CNTNAP2: variants seen among roughly 807,000 people sequenced by gnomAD.
The protein encoded by CNTNAP2 is contactin-associated protein-like 2.
A neutral mutation model predicts 155.2 loss-of-function variants in CNTNAP2; 98 were observed. That is an observed-to-expected ratio of 0.63 (90% CI 0.54 to 0.75). The LOEUF (loss-of-function observed/expected upper bound fraction) is 0.75, where lower values mean the gene tolerates loss of function less well. Among genes scored for constraint, CNTNAP2 ranks in the 30% least tolerant of loss-of-function variants. The pLI is 0.00. For synonymous variants in CNTNAP2, 651 were observed against 631.2 expected, an observed-to-expected ratio of 1.03 and a Z score of -0.47; for missense variants, 1,727 against 1,688.1, an observed-to-expected ratio of 1.02 and a Z score of -0.40.
At chr7:147,484,454 C>T (rs1265993538) in intron 10 of CNTNAP2, among the ~76,000 whole-genome samples, 1 of 152,074 alleles carries the variant, frequency 6.6e-6, no homozygotes, top group Non-Finnish European at 1.5e-5. Flanking sequence ...TCATTTCTTC[C>T]TTGCACTGTA....
Position 146,939,653 on chromosome 7 carries a change from T to C in CNTNAP2, c.402+99749T>C, listed in dbSNP as rs529013256. Among the ~76,000 whole-genome samples the C allele has an allele frequency of 4.6e-5, 7 of 152,300 alleles. No individual in the cohort carries two copies. The East Asian group carries it at 1.3e-3, about 29-fold the overall frequency. On this transcript the variant is annotated intron_variant, in intron 3 of 23. Coordinates refer to ENST00000361727, the MANE Select transcript of CNTNAP2 (RefSeq NM_014141.6). ...TTCATTATACTTCATTCTTAACCCATCAGTTTTTTAATTTGCCTGTAATAG... is the reference window on the plus strand; with the variant it reads ...TTCATTATACTTCATTCTTAACCCACCAGTTTTTTAATTTGCCTGTAATAG...
At position 146,239,191 on chromosome 7, in the gene CNTNAP2, T is replaced by A. The variant is rs141219499; in HGVS notation, c.97+122218T>A. Among the ~76,000 whole-genome samples the A allele has an allele frequency of 5.9e-5, 9 of 152,086 alleles. No individual in the cohort carries two copies. The East Asian group carries it at 1.7e-3, about 29-fold the overall frequency. On this transcript the variant is annotated intron_variant, in intron 1 of 23. Coordinates refer to ENST00000361727, the MANE Select transcript of CNTNAP2 (RefSeq NM_014141.6). ...GAATATAGGTAATTTTAATTGTGTG[T>A]TCTATTCTGTGGTGCCAGTGGCATT...
At chr7:147,804,744 G>C (rs948561950) in intron 13 of CNTNAP2, among the ~76,000 whole-genome samples, 2 of 151,898 alleles carry the variant, frequency 1.3e-5, no homozygotes, top group African/African-American at 4.8e-5. Flanking sequence ...AGTAGAGATG[G>C]CGTTTCACCA....
chr7:147,131,070 G>GTA (rs1222807834), intron 7 of CNTNAP2, among the ~76,000 whole-genome samples: 2 of 53,932 alleles, frequency 3.7e-5, no homozygotes, highest in South Asian at 1.6e-3. Context: ...ATATATGTGT[G>GTA]TATATATATG....
chr7:147,555,249 C>A (rs950709987), intron 11 of CNTNAP2, among the ~76,000 whole-genome samples: 2 of 152,126 alleles, frequency 1.3e-5, no homozygotes, highest in African/African-American at 4.8e-5. Context: ...AGGAGGGCCC[C>A]AGAGACCATC....
Position 146,721,194 on chromosome 7 carries a change from A to C in CNTNAP2, c.98-53077A>C, listed in dbSNP as rs868310477. Reference sequence around the variant, plus strand: ...TATATATTCCATATATATATTCTCTATATATATTCTCTGTATATATTCTCT... The same window carrying C: ...TATATATTCCATATATATATTCTCTCTATATATTCTCTGTATATATTCTCT... On this transcript the variant is annotated intron_variant, in intron 1 of 23. Coordinates refer to ENST00000361727, the MANE Select transcript of CNTNAP2 (RefSeq NM_014141.6). Among the ~76,000 whole-genome samples, 12 of 128,640 alleles carry C rather than the reference A, an allele frequency of 9.3e-5. No homozygotes were observed. The East Asian group carries it at 9.8e-4, about 11-fold the overall frequency. The allele number at this position is 128,640 out of a possible 152,430, so 84.4% of individuals were successfully genotyped here.
chr7:147,037,378 A>G (rs1183073154), intron 3 of CNTNAP2, among the ~76,000 whole-genome samples: 2 of 151,460 alleles, frequency 1.3e-5, no homozygotes, highest in African/African-American at 4.8e-5. Context: ...TCAAATGAAG[A>G]GAGTGGAAGA....
At chr7:146,972,858 G>C (rs1048326953) in intron 3 of CNTNAP2, among the ~76,000 whole-genome samples, 3 of 152,126 alleles carry the variant, frequency 2.0e-5, no homozygotes, top group African/African-American at 7.2e-5. Context: ...CATCAGTTTT[G>C]AGGTTATTGT....
At chr7:148,128,870 C>T (rs189331799) in intron 16 of CNTNAP2, among the ~76,000 whole-genome samples, 20 of 152,252 alleles carry the variant, frequency 1.3e-4, no homozygotes, top group African/African-American at 4.1e-4. Flanking sequence ...AAAGACCACC[C>T]AGGCCTCCTG....
rs1795067363 is a variant in CNTNAP2, at chr7:148,183,260, C to A, written c.3010+10782C>A. ...CACGCTGAAGGTTCTACTGGGAGGGCTGCCTGATTCAAAGTCTTGTCCAAG... is the reference window on the plus strand; with the variant it reads ...CACGCTGAAGGTTCTACTGGGAGGGATGCCTGATTCAAAGTCTTGTCCAAG... On this transcript the variant is annotated intron_variant, in intron 18 of 23. Coordinates refer to ENST00000361727, the MANE Select transcript of CNTNAP2 (RefSeq NM_014141.6). Among the ~76,000 whole-genome samples, 3 of 152,206 alleles carry A rather than the reference C, an allele frequency of 2.0e-5. No homozygotes were observed. The South Asian group carries it at 6.2e-4, about 32-fold the overall frequency.
At chr7:147,198,059 GA>G (rs1317347355) in intron 8 of CNTNAP2, among the ~76,000 whole-genome samples, 3 of 151,808 alleles carry the variant, frequency 2.0e-5, no homozygotes, top group Non-Finnish European at 4.4e-5. Context: ...AAAGACAAAT[GA>G]AAAACTTGAT....
intron 14 of CNTNAP2, among the ~76,000 whole-genome samples, chr7:147,930,762 C>G (rs1434356356): frequency 6.6e-6 from 1 of 152,196 alleles, no homozygotes; most frequent in Non-Finnish European, 1.5e-5. Flanking sequence ...CAAACACACA[C>G]AGAACATTCT....
intron 13 of CNTNAP2, among the ~76,000 whole-genome samples, chr7:147,752,269 C>T (rs1019419738): frequency 6.6e-6 from 1 of 151,986 alleles, no homozygotes; most frequent in Non-Finnish European, 1.5e-5. Flanking sequence ...TGCAAGAAAA[C>T]CTGTTTGGGG....
chr7:146,744,227 C>CAAAAAAAAAA (rs60606492), intron 1 of CNTNAP2, among the ~76,000 whole-genome samples: 2 of 48,160 alleles, frequency 4.2e-5, no homozygotes, highest in African/African-American at 1.4e-4. Flanking sequence ...CACTCTGTCT[C>CAAAAAAAAAA]AAAAAAAAAA....
Position 146,845,125 on chromosome 7 carries a change from G to T in CNTNAP2, c.402+5221G>T, listed in dbSNP as rs570186354. On this transcript the variant is annotated intron_variant, in intron 3 of 23. Coordinates refer to ENST00000361727, the MANE Select transcript of CNTNAP2 (RefSeq NM_014141.6). ...AAATTTAAAACATTTCAAAAATCTA[G>T]AAGACAAATACAATAGTTGGCAGTT... Among the ~76,000 whole-genome samples, 6 of 152,202 alleles carry T rather than the reference G, an allele frequency of 3.9e-5. No individual in the cohort carries two copies. The East Asian group carries it at 9.6e-4, about 24-fold the overall frequency.
chr7:148,224,467 A>G (rs1050616470), intron 19 of CNTNAP2, among the ~76,000 whole-genome samples: 10 of 152,206 alleles, frequency 6.6e-5, no homozygotes, highest in African/African-American at 2.4e-4. Context: ...GTAAAAAGTG[A>G]CAGTGAGTGG....
intron 2 of CNTNAP2, among the ~76,000 whole-genome samples, chr7:146,832,173 T>C (rs1365127534): frequency 1.3e-5 from 2 of 152,202 alleles, no homozygotes; most frequent in African/African-American, 4.8e-5. Flanking sequence ...GAGTTCATTT[T>C]AGCACTTATT....
At chr7:147,808,552 C>T (rs1798129034) in intron 13 of CNTNAP2, among the ~76,000 whole-genome samples, 1 of 152,210 alleles carries the variant, frequency 6.6e-6, no homozygotes, top group Non-Finnish European at 1.5e-5. Context: ...GTGTCTAACC[C>T]TTGTCCCCAT....
At position 147,636,011 on chromosome 7, in the gene CNTNAP2, T is replaced by G. The variant is rs150602607; in HGVS notation, c.1898-3095T>G. ...CTAATTTAATTAATGTATCTTTAATTAGGTGAAGGTAAATCTGCAGGTCTG... is the reference window on the plus strand; with the variant it reads ...CTAATTTAATTAATGTATCTTTAATGAGGTGAAGGTAAATCTGCAGGTCTG... On this transcript the variant is annotated intron_variant, in intron 12 of 23. Transcript: ENST00000361727. Among the ~76,000 whole-genome samples the G allele has an allele frequency of 6.7e-4, 102 of 152,290 alleles. 2 individuals are homozygous for G. The East Asian group carries it at 8.1e-3, about 12-fold the overall frequency.
Sources: gnomAD v4.1 joint callset for allele counts (sites outside exome capture counted in the v4.1 genomes callset) on GRCh38, gnomAD v4.1.1 for gene constraint, MANE v1.5 for transcripts, NCBI Gene and HGNC (gene_info 2026-07-23, HGNC 2026-07-21) for gene names.